Variants in TMEM132C observed in about 807,000 individuals in gnomAD.
TMEM132C encodes the protein protein phosphatase 1, regulatory subunit 152.
TMEM132C carries 29 observed loss-of-function variants against 61.4 expected under a neutral mutation model. The ratio of observed to expected loss-of-function variants is 0.47; its 90% CI spans 0.35 to 0.64. TMEM132C has a LOEUF of 0.64. Ranked by LOEUF, TMEM132C falls within the 30% of genes least tolerant of loss-of-function variation. The pLI is 0.00. For missense variants in TMEM132C, 1,408 were observed against 1,476.9 expected (o/e 0.95, Z 0.76); for synonymous variants, 656 against 633.1 (o/e 1.04, Z -0.54).
At chr12:128,441,822 A>G (rs780182169) in intron 2 of TMEM132C, among the ~76,000 whole-genome samples, 7 of 152,090 alleles carry the variant, frequency 4.6e-5, no homozygotes, top group Non-Finnish European at 7.4e-5. Context: ...GGCGAAACAC[A>G]TGTCTACTAA....
chr12:128,420,317 A>G (rs1275329210), intron 2 of TMEM132C, among the ~76,000 whole-genome samples: 2 of 152,250 alleles, frequency 1.3e-5, no homozygotes, highest in Non-Finnish European at 2.9e-5. Flanking sequence ...GTGACAGTCA[A>G]GGCAGGCTTT....
At chr12:128,559,914 C>T (rs1874454856) in intron 3 of TMEM132C, among the ~76,000 whole-genome samples, 5 of 152,184 alleles carry the variant, frequency 3.3e-5, no homozygotes. Flanking sequence ...CCAATGCCAG[C>T]ACCATCTTTC....
intron 5 of TMEM132C, among the ~76,000 whole-genome samples, chr12:128,692,232 A>G (rs556384827): frequency 1.3e-4 from 20 of 152,242 alleles, no homozygotes; most frequent in South Asian, 4.1e-4. Flanking sequence ...CCATCTGTCT[A>G]TGCATCAGTG....
chr12:128,693,771 G>T (rs974045190), intron 5 of TMEM132C, 58 bp from the exon 6 acceptor site: 2 of 1,530,632 alleles, frequency 1.3e-6, no homozygotes, highest in Admixed American at 2.0e-5. Flanking sequence ...ACAAAAAAAG[G>T]ATTGTCTCCA....
At chr12:128,506,642 C>T (rs936162110) in intron 2 of TMEM132C, among the ~76,000 whole-genome samples, 3 of 152,148 alleles carry the variant, frequency 2.0e-5, no homozygotes, top group East Asian at 1.9e-4. Context: ...GCCTGGCTTC[C>T]GTCTCCCTTC....
intron 1 of TMEM132C, among the ~76,000 whole-genome samples, chr12:128,336,166 C>T (rs1477486057): frequency 1.3e-5 from 2 of 152,086 alleles, no homozygotes; most frequent in Non-Finnish European, 2.9e-5. Context: ...ATTACTATTA[C>T]AGTCATACTA....
At chr12:128,405,411 G>C (rs76805620) in intron 1 of TMEM132C, among the ~76,000 whole-genome samples, 311 of 152,286 alleles carry the variant, frequency 2.0e-3, no homozygotes, top group Non-Finnish European at 2.7e-3. Flanking sequence ...CACCTCTGTG[G>C]TTGGCTGTTG....
chr12:128,424,046 C>A (rs1431100870), intron 2 of TMEM132C, among the ~76,000 whole-genome samples: 291 of 72,652 alleles, frequency 4.0e-3, no homozygotes, highest in African/African-American at 8.7e-3. Flanking sequence ...GACTCTGTCT[C>A]AAAAAAAAAA....
chr12:128,668,772 C>T (rs1954502155), intron 4 of TMEM132C, among the ~76,000 whole-genome samples: 2 of 152,162 alleles, frequency 1.3e-5, no homozygotes, highest in Admixed American at 1.3e-4. Flanking sequence ...CTCCAGCTTG[C>T]TTCTAGAGAC....
chr12:128,381,958 C>G (rs951040480), intron 1 of TMEM132C, among the ~76,000 whole-genome samples: 2 of 152,112 alleles, frequency 1.3e-5, no homozygotes, highest in African/African-American at 4.8e-5. Flanking sequence ...ACTCTGCCCT[C>G]TCACCTCCTT....
At position 128,696,035 on chromosome 12, in the gene TMEM132C, C is replaced by G. The variant is rs1005178201; in HGVS notation, c.1861C>G (p.Pro621Ala). ...GGCAGACTTCATGAAGCTGGAGGAA[C>G]CTCACGTGGCCACCCTCCAGGACAG... is the stretch of plus-strand genomic sequence containing the variant. ...LVADFMKLEE[P>A]HVATLQDSRV... Residue 621 changes from proline to alanine, a missense_variant, in exon 7 of 9, where the codon CCT becomes GCT. By Grantham distance (27) the Pro-to-Ala change is conservative (BLOSUM62 -1). Transcript: ENST00000435159. 1.9e-6 allele frequency: 3 copies of G among 1,551,620 alleles called. No individual in the cohort carries two copies. The African/African-American group carries it at 4.1e-5, about 21-fold the overall frequency.
intron 2 of TMEM132C, among the ~76,000 whole-genome samples, chr12:128,506,050 C>A (rs1057482174): frequency 1.3e-5 from 2 of 152,308 alleles, no homozygotes; most frequent in African/African-American, 2.4e-5. Flanking sequence ...TGGTTTTGTT[C>A]TTCTGTATCA....
rs537461207 is a variant in TMEM132C at position 128,469,461 on chromosome 12, A to G, written c.974+53841A>G. The stretch of plus-strand genomic sequence containing the variant: ...CTCCCAAGTAGCTGGGACTACAGGC[A>G]TGCACCACCACACCCAGCTAACTTT... On this transcript the variant is annotated intron_variant, in intron 2 of 8. Coordinates refer to ENST00000435159, the MANE Select transcript of TMEM132C (RefSeq NM_001136103.3). Among the ~76,000 whole-genome samples, 10 of 151,666 alleles carry G rather than the reference A, an allele frequency of 6.6e-5. No individual in the cohort carries two copies. In the South Asian group the frequency reaches 1.3e-3, roughly 19 times the overall value.
Position 128,570,913 on chromosome 12 carries a change from G to A in TMEM132C, c.1121+26810G>A, listed in dbSNP as rs941028136. ...CCACTCCTAGCAATAAGGAAGTCTG[G>A]GGAAGTTACTATTTTCACTTTGGCA... On this transcript the variant is annotated intron_variant, in intron 3 of 8. Transcript: ENST00000435159. This position sits in a 1 kb window ranked among gnomAD's most constrained non-coding sequence, Gnocchi z 4.7. Among the ~76,000 whole-genome samples, 57 of 152,198 alleles carry A rather than the reference G, an allele frequency of 3.7e-4. No individual in the cohort carries two copies. Among genetic ancestry groups the A allele is most frequent in the Non-Finnish European group, 1.5e-4 (10 of 68,026 alleles).
intron 8 of TMEM132C, among the ~76,000 whole-genome samples, chr12:128,700,870 T>A (rs1328992793): frequency 6.6e-6 from 1 of 152,204 alleles, no homozygotes; most frequent in Non-Finnish European, 1.5e-5. Context: ...TCTGTCTTAG[T>A]TTTGGTCTGC....
chr12:128,620,608 T>C (rs1439249066), intron 4 of TMEM132C, among the ~76,000 whole-genome samples: 2 of 152,194 alleles, frequency 1.3e-5, no homozygotes, highest in African/African-American at 4.8e-5. Context: ...TAACCACTAA[T>C]TTTGGCGGTG....
intron 4 of TMEM132C, among the ~76,000 whole-genome samples, chr12:128,623,627 T>C (rs1267161864): frequency 6.6e-6 from 1 of 151,674 alleles, no homozygotes; most frequent in Admixed American, 6.6e-5. Flanking sequence ...GGCAACATGG[T>C]GAAACCCCAT....
intron 1 of TMEM132C, among the ~76,000 whole-genome samples, chr12:128,319,476 G>C (rs753684256): frequency 3.9e-5 from 6 of 152,002 alleles, no homozygotes; most frequent in Non-Finnish European, 5.9e-5. Flanking sequence ...TAGTCTTGGA[G>C]AGGCTGTTAC....
chr12:128,492,377 C>T (rs144434120), intron 2 of TMEM132C, among the ~76,000 whole-genome samples: 2 of 152,066 alleles, frequency 1.3e-5, no homozygotes, highest in African/African-American at 4.8e-5. Flanking sequence ...GTAATGGGAT[C>T]GCTGGGTCAA....
Sources: gnomAD v4.1 joint callset for allele counts (sites outside exome capture counted in the v4.1 genomes callset) on GRCh38, gnomAD v4.1.1 for gene constraint, Gnocchi (gnomAD v3.1) non-coding constraint, MANE v1.5 for transcripts, NCBI Gene and HGNC (gene_info 2026-07-23, HGNC 2026-07-21) for gene names.